Variants in DYNC1H1 observed in about 807,000 individuals in gnomAD.
DYNC1H1 encodes cytoplasmic dynein 1 heavy chain 1.
DYNC1H1 carries 51 observed loss-of-function variants against 527.1 expected under a neutral mutation model. The observed-to-expected ratio is 0.10, with a 90% CI of 0.08 to 0.12. The LOEUF (loss-of-function observed/expected upper bound fraction) is 0.12. DYNC1H1 is among the 10% of genes least tolerant of loss of function. DYNC1H1 has a pLI of 1.00. For missense variants in DYNC1H1, 2,771 were observed against 5,971.8 expected (o/e 0.46, Z 17.66); for synonymous variants, 2,189 against 2,278.8 (o/e 0.96, Z 1.12).
chr14:102,008,680 G>A (rs561559373), intron 29 of DYNC1H1, among the ~76,000 whole-genome samples: 7 of 152,190 alleles, frequency 4.6e-5, no homozygotes, highest in Admixed American at 6.5e-5. Flanking sequence ...CCAGCTATTC[G>A]GAAGGCTGAG....
chr14:101,993,871 T>C (rs1454018576), intron 11 of DYNC1H1, among the ~76,000 whole-genome samples: 1 of 152,192 alleles, frequency 6.6e-6, no homozygotes, highest in African/African-American at 2.4e-5. Context: ...TATCTGCTTG[T>C]TGTACCTAGA....
Position 101,988,865 on chromosome 14 carries a change from G to C in DYNC1H1, c.2868+13G>C, listed in dbSNP as rs2047964518. 2.5e-6 allele frequency: 4 copies of C among 1,613,976 alleles called. No individual in the cohort carries two copies. The highest frequency in any genetic ancestry group is 3.4e-6 in the Non-Finnish European group (4 of 1,180,012). Reference sequence around the variant, plus strand: ...GCCAAAGATCAAAGTGAGTGCTTCTGTGGCATTCTATTTACTAATAAGTGA... The same window carrying C: ...GCCAAAGATCAAAGTGAGTGCTTCTCTGGCATTCTATTTACTAATAAGTGA... On this transcript the variant is annotated intron_variant, in intron 10 of 77. Transcript: ENST00000360184.
rs908605062 is a variant in DYNC1H1, at chr14:102,002,132, A to G, written c.4543-405A>G. Among the ~76,000 whole-genome samples the G allele has an allele frequency of 7.0e-6, 1 of 143,424 alleles. No homozygotes were observed. Among genetic ancestry groups the G allele is most frequent in the African/African-American group, 2.6e-5 (1 of 38,250 alleles). The allele number at this position is 143,424 out of a possible 152,430, so 94.1% of individuals were successfully genotyped here. ...TGTTTTTTTTTTTTCTTTTTTTGAGATGGAGTCTCGCTCTGTCACCCAGGC... is the reference window on the plus strand; with the variant it reads ...TGTTTTTTTTTTTTCTTTTTTTGAGGTGGAGTCTCGCTCTGTCACCCAGGC... On this transcript the variant is annotated intron_variant, in intron 21 of 77. Coordinates refer to ENST00000360184, the MANE Select transcript of DYNC1H1 (RefSeq NM_001376.5). The surrounding 1 kb of genome is among the most constrained non-coding windows in gnomAD (Gnocchi z 4.4).
chr14:102,015,371 G>A lies in DYNC1H1; in HGVS notation c.7242+39G>A. The stretch of plus-strand genomic sequence containing the variant: ...GGACCCCACATATCATGACCTGAGG[G>A]TGCTAGGATATTCAGATGTGGTCTC... On this transcript the variant is annotated intron_variant, in intron 35 of 77. Coordinates refer to ENST00000360184, the MANE Select transcript of DYNC1H1 (RefSeq NM_001376.5). This position sits in a 1 kb window ranked among gnomAD's most constrained non-coding sequence, Gnocchi z 6.9. 6.4e-7 allele frequency: 1 copy of A among 1,568,066 alleles called. No individual in the cohort carries two copies. The highest frequency in any genetic ancestry group is 8.7e-7 in the Non-Finnish European group (1 of 1,154,124).
chr14:102,005,064 C>A lies in DYNC1H1; in HGVS notation c.5261C>A (p.Ala1754Asp), dbSNP rs1263444622. The change falls in exon 26 of 78, where the codon GCC (alanine) becomes GAC (aspartate). Residue 1754 changes from alanine (A) to aspartate (D), a missense_variant. Coordinates refer to ENST00000360184, the MANE Select transcript of DYNC1H1 (RefSeq NM_001376.5). The surrounding 1 kb of genome is among the most constrained non-coding windows in gnomAD (Gnocchi z 4.0). The part of the protein sequence containing the change: ...KYQAQLVVLS[A>D]QIAWSENVET... ...CAGGCCCAGCTTGTGGTTTTGTCAG[C>A]CCAGATAGCCTGGTCTGAGAACGTG... The A allele has an allele frequency of 6.2e-7, 1 of 1,614,188 alleles. No homozygotes were observed. Among genetic ancestry groups the A allele is most frequent in the South Asian group, 1.1e-5 (1 of 91,084 alleles).
intron 64 of DYNC1H1, 103 bp downstream of exon 64, chr14:102,040,776 A>G (rs1476341663): frequency 2.2e-6 from 3 of 1,341,740 alleles, no homozygotes; most frequent in Admixed American, 1.7e-5. Flanking sequence ...CCTGGGCAAC[A>G]TAGTAAGGCC....
In DYNC1H1 at chr14:102,005,150, A is replaced by C; in HGVS notation, c.5347A>C (p.Ser1783Arg). 6.2e-7 allele frequency: 1 copy of C among 1,614,188 alleles called. No homozygotes were observed. The highest frequency in any genetic ancestry group is 8.5e-7 in the Non-Finnish European group (1 of 1,180,038). ...TGCCGCGCCCTTGCACTCTGTGCTG[A>C]GCAATGTGGAGGTCACCCTCAATGT... ...GDAAPLHSVL[S>R]NVEVTLNVLA... Residue 1783 changes from serine to arginine, a missense_variant, in exon 26 of 78, where the codon AGC becomes CGC. Physicochemically the swap from Ser to Arg is moderately radical, Grantham distance 110. This residue lies in a region of DYNC1H1 where 64 missense variants were observed against 143.4 expected (regional missense o/e 0.45). Coordinates refer to ENST00000360184, the MANE Select transcript of DYNC1H1 (RefSeq NM_001376.5). The surrounding 1 kb of genome is among the most constrained non-coding windows in gnomAD (Gnocchi z 4.0).
At chr14:101,998,400 C>T (rs994330864) in intron 16 of DYNC1H1, among the ~76,000 whole-genome samples, 9 of 152,306 alleles carry the variant, frequency 5.9e-5, no homozygotes, top group Admixed American at 1.3e-4. Context: ...CTGGACCCCT[C>T]TCCCCTTTAT....
rs778882542 is a variant in DYNC1H1 at position 102,010,821 on chromosome 14, G to A, written c.6487G>A (p.Asp2163Asn). Reference protein sequence around the residue: ...DIPLLFSLLSDVFPGVQYHRG... With the variant: ...DIPLLFSLLSNVFPGVQYHRG... ...CCCGCTGCTCTTCAGCCTCCTGTCG[G>A]ACGTGTTCCCTGGAGTCCAGTATCA... The change falls in exon 32 of 78, where the codon GAC becomes AAC. Residue 2163 changes from aspartate to asparagine, a missense_variant. Asp to Asn is a conservative substitution (Grantham distance 23). Transcript: ENST00000360184. This position sits in a 1 kb window ranked among gnomAD's most constrained non-coding sequence, Gnocchi z 6.0. 3 of 1,614,234 alleles carry A rather than the reference G, an allele frequency of 1.9e-6. No homozygotes were observed. The highest frequency in any genetic ancestry group is 1.7e-6 in the Non-Finnish European group (2 of 1,180,048).
chr14:102,037,689 G>A (rs2048594112), intron 57 of DYNC1H1: 1 of 153,292 alleles, frequency 6.5e-6, no homozygotes, highest in African/African-American at 2.4e-5. Flanking sequence ...AATTTGTACA[G>A]TAAACCCCAT....
Position 102,002,376 on chromosome 14 carries a change from G to T in DYNC1H1, c.4543-161G>T, listed in dbSNP as rs1033910857. On this transcript the variant is annotated intron_variant, in intron 21 of 77. Transcript: ENST00000360184. The surrounding 1 kb of genome is among the most constrained non-coding windows in gnomAD (Gnocchi z 4.4). The stretch of plus-strand genomic sequence containing the variant: ...TCCACCCGCCTCGGCCTCCCAAAAT[G>T]CTGGGATTACAGGCGTGAGCCACCA... 6.6e-6 allele frequency among the ~76,000 whole-genome samples: 1 copy of T among 152,190 alleles called. No individual in the cohort carries two copies. The highest frequency in any genetic ancestry group is 2.4e-5 in the African/African-American group (1 of 41,428).
intron 11 of DYNC1H1, among the ~76,000 whole-genome samples, chr14:101,992,050 A>G (rs575326285): frequency 2.6e-5 from 4 of 151,452 alleles, no homozygotes; most frequent in African/African-American, 9.7e-5. Context: ...TGTTATTTAT[A>G]TTTTCTTTCC....
chr14:101,970,664 G>A (rs2047726668), intron 1 of DYNC1H1, among the ~76,000 whole-genome samples: 1 of 151,852 alleles, frequency 6.6e-6, no homozygotes, highest in Non-Finnish European at 1.5e-5. Context: ...TGTATTTTTA[G>A]TAGAGATGGG....
At chr14:102,032,644 G>GCTCA in intron 52 of DYNC1H1, 177 bp downstream of exon 52, 1 of 823,430 alleles carries the variant, frequency 1.2e-6, no homozygotes. Flanking sequence ...TTGAGCCTAG[G>GCTCA]AGTTAGAGAC....
chr14:101,994,970 G>T lies in DYNC1H1; in HGVS notation c.3334-16G>T, dbSNP rs765132646. 8 of 1,613,578 alleles carry T rather than the reference G, an allele frequency of 5.0e-6. No homozygotes were observed. The South Asian group carries it at 7.7e-5, about 16-fold the overall frequency. On this transcript the variant is annotated splice_polypyrimidine_tract_variant and intron_variant, in intron 13 of 77. Transcript: ENST00000360184. Reference sequence around the variant, plus strand: ...GGAAAGAGCTGATGATGTGTTGTGTGCTATTTCACCCTCAGGTACAATCTA... The same window carrying T: ...GGAAAGAGCTGATGATGTGTTGTGTTCTATTTCACCCTCAGGTACAATCTA...
chr14:102,001,217 C>A lies in DYNC1H1; in HGVS notation c.4258C>A (p.Leu1420Ile), dbSNP rs1445333829. The change falls in exon 20 of 78, where the codon CTT becomes ATT. Residue 1420 changes from leucine (L) to isoleucine (I), a missense_variant. Physicochemically the swap from Leu to Ile is conservative, Grantham distance 5. Coordinates refer to ENST00000360184, the MANE Select transcript of DYNC1H1 (RefSeq NM_001376.5). The surrounding 1 kb of genome is among the most constrained non-coding windows in gnomAD (Gnocchi z 5.0). ...DRHWKQLMKR[L>I]HVNWVVSELT... ...CCATTGGAAACAGCTCATGAAAAGG[C>A]TTCACGTTAATTGGGTTGTTTCTGA... 1 of 1,614,052 alleles carries A rather than the reference C, an allele frequency of 6.2e-7. No homozygotes were observed. Among genetic ancestry groups the A allele is most frequent in the East Asian group, 2.2e-5 (1 of 44,894 alleles).
At chr14:102,024,467 T>C (rs1321629514) in intron 43 of DYNC1H1, among the ~76,000 whole-genome samples, 8 of 152,164 alleles carry the variant, frequency 5.3e-5, no homozygotes, top group Non-Finnish European at 2.9e-5. Flanking sequence ...CTGGTCTTCG[T>C]GTGTTTAGGT....
chr14:102,034,544 A>C lies in DYNC1H1; in HGVS notation c.10754+92A>C, dbSNP rs537687621. 148 of 1,599,768 alleles carry C rather than the reference A, an allele frequency of 9.3e-5. 1 individual carries two copies. In the African/African-American group the frequency reaches 1.7e-3, roughly 19 times the overall value. On this transcript the variant is annotated intron_variant, in intron 56 of 77. Transcript: ENST00000360184. The stretch of plus-strand genomic sequence containing the variant: ...AATACACCCTTGTTTGAAGAGAGGA[A>C]TAGAAAATGGGGCGTGGGCATACAG...
chr14:102,010,253 A>G lies in DYNC1H1; in HGVS notation c.6222-23A>G. On this transcript the variant is annotated intron_variant, in intron 30 of 77. Coordinates refer to ENST00000360184, the MANE Select transcript of DYNC1H1 (RefSeq NM_001376.5). This position sits in a 1 kb window ranked among gnomAD's most constrained non-coding sequence, Gnocchi z 6.0. ...CTTAAAGTATACTGTTATTAAAGAT[A>G]GCCTTTTTTTCTTCTTTTCTAGACT... The G allele has an allele frequency of 1.2e-6, 2 of 1,613,792 alleles. No homozygotes were observed. Among genetic ancestry groups the G allele is most frequent in the Non-Finnish European group, 8.5e-7 (1 of 1,179,998 alleles).
Sources: gnomAD v4.1 joint callset for allele counts (sites outside exome capture counted in the v4.1 genomes callset) on GRCh38, gnomAD v4.1.1 for gene constraint, gnomAD v4.1.1 regional missense constraint, Gnocchi (gnomAD v3.1) non-coding constraint, MANE v1.5 for transcripts, NCBI Gene and HGNC (gene_info 2026-07-23, HGNC 2026-07-21) for gene names.